RMND5A: variants seen among roughly 807,000 people sequenced by gnomAD.
RMND5A encodes E3 ubiquitin-protein transferase RMND5A.
A neutral mutation model predicts 49.7 loss-of-function variants in RMND5A; 17 were observed. That is an observed-to-expected ratio of 0.34 (90% confidence interval 0.23 to 0.51). The LOEUF (loss-of-function observed/expected upper bound fraction) is 0.51, where lower values mean the gene tolerates loss of function less well. Ranked by LOEUF, RMND5A falls within the 20% of genes least tolerant of loss-of-function variation. RMND5A has a pLI of 0.96. For synonymous variants in RMND5A, 156 were observed against 167.7 expected (o/e 0.93, Z 0.54); for missense variants, 255 against 471.3 (o/e 0.54, Z 4.25).
At chr2:86,762,860 G>T (rs927250394) in intron 4 of RMND5A, among the ~76,000 whole-genome samples, 1 of 151,538 alleles carries the variant, frequency 6.6e-6, no homozygotes, top group African/African-American at 2.4e-5. Context: ...GGGCAACATG[G>T]TGAAACCTTG....
intron 6 of RMND5A, among the ~76,000 whole-genome samples, chr2:86,768,877 C>T (rs894028842): frequency 2.6e-5 from 4 of 152,192 alleles, no homozygotes; most frequent in African/African-American, 9.7e-5. Flanking sequence ...TAAGCTGAGC[C>T]CATTAAATCC....
rs1433706602 is a variant in RMND5A at position 86,765,085 on chromosome 2, C to T, written c.580C>T (p.Leu194=). Residue 194 remains leucine (L), a synonymous_variant, in exon 5 of 9, where the codon CTA becomes TTA. Coordinates refer to ENST00000283632, the MANE Select transcript of RMND5A (RefSeq NM_022780.4). ...IAQNSSLEFK[L]HRLYFISLLM... ...TCAAAACAGCTCCTTGGAATTTAAG[C>T]TACACAGACTGTATTTTATTAGCTT... 1.9e-6 allele frequency: 3 copies of T among 1,613,904 alleles called. 1 individual carries two copies. The South Asian group carries it at 3.3e-5, about 18-fold the overall frequency.
intron 2 of RMND5A, among the ~76,000 whole-genome samples, chr2:86,750,509 C>G (rs1180309687): frequency 6.6e-6 from 1 of 152,024 alleles, no homozygotes; most frequent in African/African-American, 2.4e-5. Context: ...TAACATGTCA[C>G]TTTTCTCTGG....
intron 2 of RMND5A, among the ~76,000 whole-genome samples, chr2:86,751,265 T>C: frequency 6.6e-6 from 1 of 152,226 alleles, no homozygotes; most frequent in East Asian, 1.9e-4. Flanking sequence ...ATTACAGTTA[T>C]TTAGATTTGT....
intron 4 of RMND5A, among the ~76,000 whole-genome samples, chr2:86,759,901 G>A (rs1211374485): frequency 3.3e-5 from 5 of 152,120 alleles, no homozygotes; most frequent in Non-Finnish European, 4.4e-5. Context: ...AATTCTTTAA[G>A]ATTTATGAGA....
At chr2:86,744,756 A>G (rs764917157) in intron 2 of RMND5A, among the ~76,000 whole-genome samples, 2 of 152,062 alleles carry the variant, frequency 1.3e-5, no homozygotes, top group South Asian at 2.1e-4. Context: ...ATCACAGCTC[A>G]CTACAGCCTT....
intron 2 of RMND5A, among the ~76,000 whole-genome samples, chr2:86,746,835 T>A (rs1681544984): frequency 6.6e-6 from 1 of 152,254 alleles, no homozygotes; most frequent in South Asian, 2.1e-4. Context: ...CCTCATTTTT[T>A]AAATAAAGCA....
Position 86,720,814 on chromosome 2 carries a change from G to A in RMND5A, c.142+5G>A, listed in dbSNP as rs757357079. The A allele has an allele frequency of 1.3e-6, 2 of 1,582,352 alleles. No individual in the cohort carries two copies. The highest frequency in any genetic ancestry group is 8.6e-7 in the Non-Finnish European group (1 of 1,165,572). ...ACGAGATCCTGCAGAGCCACGGTAG[G>A]GCGGCCCGCGTGGGCGCGCGGGGCA... On this transcript the variant is annotated splice_donor_5th_base_variant and intron_variant, in intron 1 of 8. Transcript: ENST00000283632.
rs1672799387 is a variant in RMND5A, at chr2:86,778,025, T to C, written c.*4614T>C. Reference sequence around the variant, plus strand: ...TGTATATTTTTAAAAATTAAAGAAATGCACATTTAAAAAGTGTTTTGTGGA... The same window carrying C: ...TGTATATTTTTAAAAATTAAAGAAACGCACATTTAAAAAGTGTTTTGTGGA... On this transcript the variant is annotated 3_prime_UTR_variant, in exon 9 of 9. Transcript: ENST00000283632. 1 of 152,196 alleles carries C rather than the reference T, an allele frequency of 6.6e-6. No homozygotes were observed. The highest frequency in any genetic ancestry group is 2.1e-4 in the South Asian group (1 of 4,836). The allele number at this position is 152,196 out of a possible 1,614,324, so 9.4% of individuals were successfully genotyped here. A position where few individuals can be genotyped will look rare whatever the true frequency, so the allele number is the denominator to read the frequency against.
At chr2:86,749,731 ATGTC>A (rs1681600740) in intron 2 of RMND5A, among the ~76,000 whole-genome samples, 1 of 152,156 alleles carries the variant, frequency 6.6e-6, no homozygotes. Context: ...GCTAAGAAAA[ATGTC>A]TGTGAAAAGG....
chr2:86,762,134 A>T (rs1480206200), intron 4 of RMND5A, among the ~76,000 whole-genome samples: 1 of 152,220 alleles, frequency 6.6e-6, no homozygotes, highest in African/African-American at 2.4e-5. Flanking sequence ...GAAAACCTGG[A>T]AAATATAGGA....
At chr2:86,749,787 G>C (rs1681601756) in intron 2 of RMND5A, among the ~76,000 whole-genome samples, 1 of 152,138 alleles carries the variant, frequency 6.6e-6, no homozygotes, top group Non-Finnish European at 1.5e-5. Flanking sequence ...TTGGTTTTTT[G>C]TGTTTGTTTT....
chr2:86,775,494 C>G lies in RMND5A; in HGVS notation c.*2083C>G, dbSNP rs1243041960. 6.6e-6 allele frequency: 1 copy of G among 152,084 alleles called. No individual in the cohort carries two copies. Among genetic ancestry groups the G allele is most frequent in the Non-Finnish European group, 1.5e-5 (1 of 68,010 alleles). The allele number at this position is 152,084 out of a possible 1,614,324, so 9.4% of individuals were successfully genotyped here. ...AAATGTGTTTGATGACCAGACTCTT[C>G]ATACAGTCGGCTTGGGCCACTTTAA... On this transcript the variant is annotated 3_prime_UTR_variant, in exon 9 of 9. Coordinates refer to ENST00000283632, the MANE Select transcript of RMND5A (RefSeq NM_022780.4).
At chr2:86,730,208 A>AG (rs1452782975) in intron 1 of RMND5A, among the ~76,000 whole-genome samples, 1 of 1,926 alleles carries the variant, frequency 5.2e-4, no homozygotes, top group African/African-American at 3.4e-3. Context: ...AGTTTAGGAG[A>AG]GGGGAAGGTG....
rs1189472946 is a variant in RMND5A, at chr2:86,777,044, C to A, written c.*3633C>A. The A allele has an allele frequency of 2.6e-5, 4 of 152,194 alleles. No individual in the cohort carries two copies. The highest frequency in any genetic ancestry group is 9.7e-5 in the African/African-American group (4 of 41,448). 9.4% of individuals were successfully genotyped at this position (152,194 alleles called of 1,614,324 possible). ...TGAATAGATACCAAAAATAGAATGA[C>A]AAATGTATTTTAATAGCAGATGAGG... On this transcript the variant is annotated 3_prime_UTR_variant, in exon 9 of 9. Coordinates refer to ENST00000283632, the MANE Select transcript of RMND5A (RefSeq NM_022780.4).
chr2:86,771,752 T>C (rs759532274), intron 8 of RMND5A, 40 bp downstream of exon 8: 2 of 1,559,912 alleles, frequency 1.3e-6, no homozygotes, highest in Non-Finnish European at 1.8e-6. Context: ...CAAATAAATT[T>C]TGTTTTGGAA....
chr2:86,741,141 CT>C, intron 2 of RMND5A, 72 bp downstream of exon 2: 1 of 1,472,054 alleles, frequency 6.8e-7, no homozygotes. Context: ...TTTGATAATA[CT>C]AGCTTTCACA....
In RMND5A at chr2:86,753,458, G is replaced by C; in HGVS notation, c.421G>C (p.Glu141Gln). Residue 141 changes from glutamate to glutamine, a missense_variant and splice_region_variant, in exon 4 of 9, where the codon GAA (glutamate) becomes CAA (glutamine). This residue lies in a region of RMND5A where 208 missense variants were observed against 339.8 expected (regional missense o/e 0.61). Coordinates refer to ENST00000283632, the MANE Select transcript of RMND5A (RefSeq NM_022780.4). Reference sequence around the variant, plus strand: ...GTTCTTTCTTTCTTTCTTTTTCCAGGAATCTGGTCTTTCTGTAGACCCAAG... The same window carrying C: ...GTTCTTTCTTTCTTTCTTTTTCCAGCAATCTGGTCTTTCTGTAGACCCAAG... ...MLDVAEELCQ[E>Q]SGLSVDPSQK... 2 of 1,579,530 alleles carry C rather than the reference G, an allele frequency of 1.3e-6. No homozygotes were observed. Among genetic ancestry groups the C allele is most frequent in the Non-Finnish European group, 1.7e-6 (2 of 1,153,630 alleles).
chr2:86,757,174 CAAAAAAAAAAA>C lies in RMND5A; in HGVS notation c.521+3639_521+3649del, dbSNP rs60710494. On this transcript the variant is annotated intron_variant, in intron 4 of 8. Transcript: ENST00000283632. ...GGGCAACAAGAGTGAAACTCAGTCTCAAAAAAAAAAAAAAAAAAAAAAAAAAAAAAAAAGTG... is the reference window on the plus strand; with the variant it reads ...GGGCAACAAGAGTGAAACTCAGTCTCAAAAAAAAAAAAAAAAAAAAAAGTG... 3.1e-3 allele frequency among the ~76,000 whole-genome samples: 300 copies of C among 97,940 alleles called. 3 individuals are homozygous for C. Among genetic ancestry groups the C allele is most frequent in the African/African-American group, 0.011 (281 of 24,664 alleles). The allele number at this position is 97,940 out of a possible 152,430, so 64.3% of individuals were successfully genotyped here.
Sources: allele counts gnomAD v4.1 joint callset (sites outside exome capture counted in the v4.1 genomes callset), GRCh38; gene constraint gnomAD v4.1.1; regional missense constraint gnomAD v4.1.1; transcripts MANE v1.5; gene names NCBI Gene and HGNC (gene_info 2026-07-23, HGNC 2026-07-21).